SNCAIP: variants seen among roughly 807,000 people sequenced by gnomAD.
The protein encoded by SNCAIP is synphilin-1.
Under a neutral mutation model 86.7 loss-of-function variants are expected in SNCAIP, and 43 were observed. The observed-to-expected ratio is 0.50, with a 90% CI of 0.39 to 0.64. The LOEUF is 0.64. Ranked by LOEUF, SNCAIP falls within the 30% of genes least tolerant of loss-of-function variation. The pLI is 0.00. For missense variants in SNCAIP, 981 were observed against 1,103.1 expected, an observed-to-expected ratio of 0.89 and a Z score of 1.57; for synonymous variants, 417 against 427.2, an observed-to-expected ratio of 0.98 and a Z score of 0.29.
chr5:122,352,666 T>C (rs1467032014), intron 1 of SNCAIP, among the ~76,000 whole-genome samples: 1 of 152,202 alleles, frequency 6.6e-6, no homozygotes, highest in Non-Finnish European at 1.5e-5. Flanking sequence ...TTACAGTAAA[T>C]TTTTGGTTGT....
At chr5:122,389,053 G>A (rs1207264017) in intron 1 of SNCAIP, 2 of 152,184 alleles carry the variant, frequency 1.3e-5, no homozygotes, top group African/African-American at 4.8e-5. Context: ...GATTCCTGTT[G>A]TGATGCCATG....
chr5:122,414,046 A>T (rs77662296), intron 3 of SNCAIP, among the ~76,000 whole-genome samples: 3,237 of 152,142 alleles, frequency 0.021, 111 homozygotes, highest in African/African-American at 0.074. Context: ...AGTAGATGAA[A>T]CTACAGGAGC....
At chr5:122,459,236 G>C (rs1561824312) in intron 10 of SNCAIP, among the ~76,000 whole-genome samples, 1 of 152,162 alleles carries the variant, frequency 6.6e-6, no homozygotes, top group Admixed American at 6.5e-5. Flanking sequence ...CCCTGTTTTG[G>C]TTATCAGCGG....
At chr5:122,448,802 G>A (rs1783053411) in intron 8 of SNCAIP, among the ~76,000 whole-genome samples, 1 of 148,696 alleles carries the variant, frequency 6.7e-6, no homozygotes, top group Non-Finnish European at 1.5e-5. Flanking sequence ...AGATTACAAG[G>A]TCAGGAGATC....
intron 1 of SNCAIP, among the ~76,000 whole-genome samples, chr5:122,374,863 C>T (rs1163969450): frequency 6.6e-6 from 1 of 152,090 alleles, no homozygotes; most frequent in Non-Finnish European, 1.5e-5. Flanking sequence ...TAAAGGTACA[C>T]ATAAATAATC....
At chr5:122,411,731 G>C (rs149358151) in intron 3 of SNCAIP, among the ~76,000 whole-genome samples, 1 of 152,030 alleles carries the variant, frequency 6.6e-6, no homozygotes, top group African/African-American at 2.4e-5. Flanking sequence ...CACCGTAAGC[G>C]TCAGCATCAC....
chr5:122,351,886 A>G (rs941457535), intron 1 of SNCAIP, among the ~76,000 whole-genome samples: 1 of 152,214 alleles, frequency 6.6e-6, no homozygotes, highest in Non-Finnish European at 1.5e-5. Flanking sequence ...GGGGTTTGTC[A>G]GTGATGATGA....
intron 1 of SNCAIP, among the ~76,000 whole-genome samples, chr5:122,340,969 T>C (rs1373584658): frequency 6.6e-6 from 1 of 152,218 alleles, no homozygotes; most frequent in African/African-American, 2.4e-5. Flanking sequence ...GGGTTAGGCA[T>C]TCATAAATTG....
At chr5:122,426,125 A>G (rs1777327280) in intron 5 of SNCAIP, among the ~76,000 whole-genome samples, 1 of 152,212 alleles carries the variant, frequency 6.6e-6, no homozygotes, top group Admixed American at 6.5e-5. Flanking sequence ...CTTTTATAGC[A>G]CTGCAGCAAG....
chr5:122,371,058 A>G (rs1025268118), intron 1 of SNCAIP, among the ~76,000 whole-genome samples: 3 of 152,088 alleles, frequency 2.0e-5, no homozygotes, highest in African/African-American at 7.2e-5. Context: ...TCATGCCTAT[A>G]ATCTTTGTGC....
At chr5:122,393,579 T>C (rs1769903915) in intron 2 of SNCAIP, among the ~76,000 whole-genome samples, 1 of 152,108 alleles carries the variant, frequency 6.6e-6, no homozygotes, top group Admixed American at 6.5e-5. Context: ...CATTTAACAA[T>C]ACCAGGAGAC....
In SNCAIP at chr5:122,423,582, C is replaced by A; in HGVS notation, c.845C>A (p.Ala282Asp). The A allele has an allele frequency of 6.2e-7, 1 of 1,614,138 alleles. No homozygotes were observed. Among genetic ancestry groups the A allele is most frequent in the Non-Finnish European group, 8.5e-7 (1 of 1,180,038 alleles). The change falls in exon 4 of 11, where the codon GCC becomes GAC. Residue 282 changes from alanine (A) to aspartate (D), a missense_variant. Transcript: ENST00000261368. Reference sequence around the variant, plus strand: ...ACAACACCAGACTGCCAGCTCAGGGCCTTCCACCTACAATCCTCAGCAGCA... The same window carrying A: ...ACAACACCAGACTGCCAGCTCAGGGACTTCCACCTACAATCCTCAGCAGCA... ...EKTTPDCQLR[A>D]FHLQSSAAES...
chr5:122,451,632 T>C, intron 10 of SNCAIP, 31 bp downstream of exon 10: 1 of 1,406,316 alleles, frequency 7.1e-7, no homozygotes, highest in Non-Finnish European at 1.0e-6. Context: ...ATTCTTTTTT[T>C]TCCTTCAAAT....
intron 2 of SNCAIP, among the ~76,000 whole-genome samples, chr5:122,402,222 C>T (rs529563935): frequency 6.6e-6 from 1 of 152,204 alleles, no homozygotes; most frequent in East Asian, 1.9e-4. Flanking sequence ...TCTCAAGAAG[C>T]TACCAGAGTC....
chr5:122,391,017 A>G, intron 1 of SNCAIP, 72 bp from the exon 2 acceptor site: 1 of 792,218 alleles, frequency 1.3e-6, no homozygotes, highest in Non-Finnish European at 2.3e-6. Context: ...ATTTGTTTAA[A>G]TGTAGACATT....
intron 1 of SNCAIP, among the ~76,000 whole-genome samples, chr5:122,341,523 C>A (rs983845568): frequency 2.0e-5 from 3 of 152,200 alleles, no homozygotes; most frequent in African/African-American, 4.8e-5. Flanking sequence ...AAAGGCAAAC[C>A]CGCTTAAAGA....
At chr5:122,440,591 A>G (rs1780654960) in intron 6 of SNCAIP, 38 bp from the exon 7 acceptor site, 4 of 1,601,794 alleles carry the variant, frequency 2.5e-6, no homozygotes, top group Non-Finnish European at 2.6e-6. Flanking sequence ...CTTCTCTGCA[A>G]GATATTACAT....
intron 10 of SNCAIP, among the ~76,000 whole-genome samples, chr5:122,455,426 CT>C (rs1784550500): frequency 6.6e-6 from 1 of 152,220 alleles, no homozygotes. Flanking sequence ...AAGTGTTCAT[CT>C]CTCAGCTATG....
chr5:122,364,999 T>C (rs1396396760), intron 1 of SNCAIP, among the ~76,000 whole-genome samples: 1 of 152,158 alleles, frequency 6.6e-6, no homozygotes, highest in Non-Finnish European at 1.5e-5. Context: ...TACAAAACAT[T>C]TGGGTAAGAC....
Sources: allele counts gnomAD v4.1 joint callset (sites outside exome capture counted in the v4.1 genomes callset), GRCh38; gene constraint gnomAD v4.1.1; transcripts MANE v1.5; gene names NCBI Gene and HGNC (gene_info 2026-07-23, HGNC 2026-07-21).